PRKDC: variants seen among roughly 807,000 people sequenced by gnomAD.
PRKDC encodes DNA-dependent protein kinase catalytic subunit.
Under a neutral mutation model 486.9 loss-of-function variants are expected in PRKDC, and 82 were observed. That is an observed-to-expected ratio of 0.17 (90% CI 0.14 to 0.20). The LOEUF (loss-of-function observed/expected upper bound fraction) is 0.20. PRKDC is among the 10% of genes least tolerant of loss of function. The probability of loss-of-function intolerance (pLI) is 1.00; values close to 1 mark genes in which losing one functional copy is unlikely to be tolerated. For missense variants in PRKDC, 4,504 were observed against 5,038.2 expected (o/e 0.89, Z 3.21); for synonymous variants, 1,895 against 1,837.0 (o/e 1.03, Z -0.81).
rs117364587 is a variant in PRKDC at position 47,901,609 on chromosome 8, C to G, written c.3269+960G>C. ...AGGCAGCACACGCTCTGTTTCCACA[C>G]AAGTGCCTCTGTCCCTTGCATCTGC... On this transcript the variant is annotated intron_variant, in intron 27 of 85. Transcript: ENST00000314191. 5.2e-3 allele frequency among the ~76,000 whole-genome samples: 795 copies of G among 152,362 alleles called. 32 individuals carry two copies. In the East Asian group the frequency reaches 0.071, roughly 14 times the overall value.
At chr8:47,856,902 C>T (rs2088553889) in intron 49 of PRKDC, among the ~76,000 whole-genome samples, 1 of 152,146 alleles carries the variant, frequency 6.6e-6, no homozygotes, top group Non-Finnish European at 1.5e-5. Flanking sequence ...CAAGTAAAGG[C>T]AGCAAACAAA....
intron 62 of PRKDC, among the ~76,000 whole-genome samples, chr8:47,827,229 G>A (rs532872057): frequency 4.0e-5 from 6 of 149,866 alleles, no homozygotes; most frequent in South Asian, 4.2e-4. Flanking sequence ...ACAGTTTCTC[G>A]TTCCATCAAA....
Position 47,888,715 on chromosome 8 carries a change from G to GA in PRKDC, c.4281-66dup, listed in dbSNP as rs1397256093. On this transcript the variant is annotated intron_variant, in intron 33 of 85. Transcript: ENST00000314191. ...TCTCGTTAAATTATCAAGATACACT[G>GA]AAAAAAATGTTTGCACTGTTATGAA... is the stretch of plus-strand genomic sequence containing the variant. 4 of 1,472,134 alleles carry GA rather than the reference G, an allele frequency of 2.7e-6. No homozygotes were observed. In the East Asian group the frequency reaches 7.3e-5, roughly 27 times the overall value. 91.2% of individuals were successfully genotyped at this position (1,472,134 alleles called of 1,614,324 possible).
At position 47,819,522 on chromosome 8, in the gene PRKDC, A is replaced by G. The variant is rs2154498926; in HGVS notation, c.9337-12T>C. The G allele has an allele frequency of 2.2e-6, 3 of 1,371,150 alleles. No homozygotes were observed. The highest frequency in any genetic ancestry group is 5.1e-5 in the Admixed American group (2 of 38,974). 84.9% of individuals were successfully genotyped at this position (1,371,150 alleles called of 1,614,324 possible). On this transcript the variant is annotated splice_polypyrimidine_tract_variant and intron_variant, in intron 66 of 85. Coordinates refer to ENST00000314191, the MANE Select transcript of PRKDC (RefSeq NM_006904.7). ...ATACTAGAATAATTCTTAAAAAAAA[A>G]AAAAAAAAAAAAGGGCATTTACAAA...
intron 23 of PRKDC, among the ~76,000 whole-genome samples, chr8:47,914,977 T>A (rs1464554388): frequency 6.6e-6 from 1 of 152,166 alleles, no homozygotes; most frequent in Non-Finnish European, 1.5e-5. Flanking sequence ...ATGGTAATTC[T>A]CATTTGGAAA....
At chr8:47,902,449 G>T in intron 27 of PRKDC, 120 bp downstream of exon 27, 1 of 673,362 alleles carries the variant, frequency 1.5e-6, no homozygotes, top group Non-Finnish European at 2.2e-6. Context: ...AGACAGCACA[G>T]CATCCAGCAC....
Position 47,960,105 on chromosome 8 carries a change from C to G in PRKDC, c.22G>C (p.Val8Leu). The G allele has an allele frequency of 2.0e-6, 3 of 1,511,796 alleles. No homozygotes were observed. The highest frequency in any genetic ancestry group is 2.6e-6 in the Non-Finnish European group (3 of 1,134,690). 93.6% of individuals were successfully genotyped at this position (1,511,796 alleles called of 1,614,324 possible). Residue 8 changes from valine to leucine, a missense_variant, in exon 1 of 86, where the codon GTG (valine) becomes CTG (leucine). By Grantham distance (32) the Val-to-Leu change is conservative. Around this residue, in one of 6 missense-constraint regions of PRKDC, gnomAD observed 145 missense variants for 136.3 expected, o/e 1.06. Transcript: ENST00000314191. Reference sequence around the variant, plus strand: ...TGCAGCCGCAGCAGGGAGCAACGCACACCGGCTCCGGAGCCCGCCATGCCG... The same window carrying G: ...TGCAGCCGCAGCAGGGAGCAACGCAGACCGGCTCCGGAGCCCGCCATGCCG... MAGSGAG[V>L]RCSLLRLQET...
At position 47,778,673 on chromosome 8, in the gene PRKDC, C is replaced by T. The variant is rs1354021021; in HGVS notation, c.11652-13G>A. The T allele has an allele frequency of 6.2e-7, 1 of 1,613,202 alleles. No homozygotes were observed. Among genetic ancestry groups the T allele is most frequent in the African/African-American group, 1.3e-5 (1 of 74,922 alleles). ...CACGAAGGCCCGCCTACAAAAGAGA[C>T]ACAGCTGTGCGGCTGCTGTGATCCC... On this transcript the variant is annotated splice_polypyrimidine_tract_variant and intron_variant, in intron 82 of 85. Coordinates refer to ENST00000314191, the MANE Select transcript of PRKDC (RefSeq NM_006904.7).
intron 45 of PRKDC, 56 bp from the exon 46 acceptor site, chr8:47,859,815 G>GT: frequency 6.8e-7 from 1 of 1,460,390 alleles, no homozygotes; most frequent in Non-Finnish European, 9.4e-7. Context: ...AGTAAGAAAT[G>GT]TATTTCTCTA....
In PRKDC at chr8:47,887,561, C is replaced by A; in HGVS notation, c.4558G>T (p.Ala1520Ser). The change falls in exon 35 of 86, where the codon GCT becomes TCT. Residue 1520 changes from alanine to serine, a missense_variant. Ala to Ser is a moderately conservative substitution (Grantham distance 99). Around this residue, in one of 6 missense-constraint regions of PRKDC, gnomAD observed 1,969 missense variants for 2,068.9 expected, o/e 0.95. Coordinates refer to ENST00000314191, the MANE Select transcript of PRKDC (RefSeq NM_006904.7). ...GTTTTTCCTACCAGTCCTCCAAAAG[C>A]AAAGGCTAACTCCAGAAGTCCGCTG... Reference protein sequence around the residue: ...LASGLLELAFAFGGLCERLVS... With the variant: ...LASGLLELAFSFGGLCERLVS... 3 of 1,583,844 alleles carry A rather than the reference C, an allele frequency of 1.9e-6. No individual in the cohort carries two copies. Among genetic ancestry groups the A allele is most frequent in the Non-Finnish European group, 1.7e-6 (2 of 1,165,472 alleles).
chr8:47,881,410 G>A lies in PRKDC; in HGVS notation c.5067+6C>T, dbSNP rs1381192082. ...AATCCAAAAAAATAAATATTTCACT[G>A]TTTACCTTTAAATGTAGATCCAGCT... On this transcript the variant is annotated splice_donor_region_variant and intron_variant, in intron 38 of 85. Coordinates refer to ENST00000314191, the MANE Select transcript of PRKDC (RefSeq NM_006904.7). 2 of 1,444,310 alleles carry A rather than the reference G, an allele frequency of 1.4e-6. No individual in the cohort carries two copies. Among genetic ancestry groups the A allele is most frequent in the South Asian group, 2.4e-5 (2 of 82,648 alleles). The allele number at this position is 1,444,310 out of a possible 1,614,324, so 89.5% of individuals were successfully genotyped here.
At chr8:47,913,499 C>T (rs1341708424) in intron 24 of PRKDC, among the ~76,000 whole-genome samples, 3 of 152,076 alleles carry the variant, frequency 2.0e-5, no homozygotes, top group Non-Finnish European at 4.4e-5. Context: ...CAGGTTCAAA[C>T]GATTCTCCTG....
chr8:47,832,798 C>T (rs1247830607), intron 59 of PRKDC, among the ~76,000 whole-genome samples: 2 of 152,198 alleles, frequency 1.3e-5, no homozygotes, highest in Non-Finnish European at 2.9e-5. Context: ...TGGAAGCTCC[C>T]GCCATATGCC....
At position 47,933,188 on chromosome 8, in the gene PRKDC, A is replaced by G. The variant is rs1302185032; in HGVS notation, c.1624-16T>C. On this transcript the variant is annotated splice_polypyrimidine_tract_variant and intron_variant, in intron 15 of 85. Transcript: ENST00000314191. ...AAATAGAATCCTTTAAATAAAGAAA[A>G]ACAATAAACTTCAAAATCTTGTGCA... is the stretch of plus-strand genomic sequence containing the variant. 3.4e-6 allele frequency: 5 copies of G among 1,461,026 alleles called. No homozygotes were observed. Among genetic ancestry groups the G allele is most frequent in the Non-Finnish European group, 4.5e-6 (5 of 1,103,316 alleles). The allele number at this position is 1,461,026 out of a possible 1,614,324, so 90.5% of individuals were successfully genotyped here.
chr8:47,900,771 C>T (rs545202426), intron 27 of PRKDC, among the ~76,000 whole-genome samples: 4 of 152,024 alleles, frequency 2.6e-5, no homozygotes, highest in East Asian at 1.9e-4. Flanking sequence ...ATGGCATGAA[C>T]CCGGGAGGTG....
chr8:47,780,700 G>A (rs1383974334), intron 80 of PRKDC, among the ~76,000 whole-genome samples: 1 of 152,020 alleles, frequency 6.6e-6, no homozygotes, highest in Non-Finnish European at 1.5e-5. Context: ...AGTACTTTAG[G>A]AGGCCAATGG....
chr8:47,920,662 A>G (rs1479219471), intron 21 of PRKDC, among the ~76,000 whole-genome samples: 1 of 152,204 alleles, frequency 6.6e-6, no homozygotes, highest in Non-Finnish European at 1.5e-5. Context: ...CAAGTTTAAT[A>G]TTTTGGTTTA....
intron 52 of PRKDC, among the ~76,000 whole-genome samples, chr8:47,850,490 C>T (rs943755177): frequency 3.3e-5 from 5 of 152,096 alleles, no homozygotes; most frequent in Admixed American, 1.3e-4. Flanking sequence ...CTCCTGGTCC[C>T]AAGCATTTTG....
chr8:47,902,802 CA>C lies in PRKDC; in HGVS notation c.3043-8del. ...CAGGGTCCACAATTCCATCCTGAAA[CA>C]AAACAAAGAGACCTTGATTGTACTA... is the stretch of plus-strand genomic sequence containing the variant. On this transcript the variant is annotated splice_region_variant and splice_polypyrimidine_tract_variant and intron_variant, in intron 26 of 85. Transcript: ENST00000314191. 6.3e-7 allele frequency: 1 copy of C among 1,590,620 alleles called. No individual in the cohort carries two copies. Among genetic ancestry groups the C allele is most frequent in the Non-Finnish European group, 8.5e-7 (1 of 1,169,632 alleles).
Sources: allele counts gnomAD v4.1 joint callset (sites outside exome capture counted in the v4.1 genomes callset), GRCh38; gene constraint gnomAD v4.1.1; regional missense constraint gnomAD v4.1.1; transcripts MANE v1.5; gene names NCBI Gene and HGNC (gene_info 2026-07-23, HGNC 2026-07-21).